ABCA12: variants seen among roughly 807,000 people sequenced by gnomAD.
ABCA12 encodes glucosylceramide transporter ABCA12.
ABCA12 carries 156 observed loss-of-function variants against 293.5 expected under a neutral mutation model. The ratio of observed to expected loss-of-function variants is 0.53; its 90% CI spans 0.47 to 0.61. The LOEUF is 0.61. Ranked by LOEUF, ABCA12 falls within the 20% of genes least tolerant of loss-of-function variation. ABCA12 has a pLI of 0.00. For synonymous variants in ABCA12, 1,063 were observed against 1,108.0 expected, an observed-to-expected ratio of 0.96 and a Z score of 0.81; for missense variants, 2,797 against 3,090.2, an observed-to-expected ratio of 0.91 and a Z score of 2.25.
At chr2:215,109,186 G>T (rs553409317) in intron 2 of ABCA12, among the ~76,000 whole-genome samples, 1 of 152,052 alleles carries the variant, frequency 6.6e-6, no homozygotes, top group Non-Finnish European at 1.5e-5. Flanking sequence ...ATTATAGAAT[G>T]TATTGAAACT....
intron 11 of ABCA12, among the ~76,000 whole-genome samples, chr2:215,025,140 C>A (rs1437043642): frequency 6.6e-6 from 1 of 151,912 alleles, no homozygotes; most frequent in Non-Finnish European, 1.5e-5. Flanking sequence ...TATTACGAAT[C>A]CTTTTTCAAA....
At chr2:214,992,324 CCCCAGCTACTCAGGAGG>C (rs1250832291) in intron 23 of ABCA12, among the ~76,000 whole-genome samples, 3 of 151,244 alleles carry the variant, frequency 2.0e-5, no homozygotes, top group Non-Finnish European at 4.4e-5. Context: ...GCCCCCGTAG[CCCCAGCTACTCAGGAGG>C]CTGAGGCAGG....
chr2:214,957,834 AC>A (rs1326987649), intron 41 of ABCA12, among the ~76,000 whole-genome samples: 1 of 152,170 alleles, frequency 6.6e-6, no homozygotes, highest in African/African-American at 2.4e-5. Flanking sequence ...CGCATTTTCC[AC>A]TATTAGTTGA....
intron 17 of ABCA12, among the ~76,000 whole-genome samples, chr2:215,010,979 C>G (rs1317105971): frequency 6.6e-6 from 1 of 152,130 alleles, no homozygotes; most frequent in Admixed American, 6.6e-5. Flanking sequence ...TGATGTGCCA[C>G]GAGACATTTA....
intron 1 of ABCA12, among the ~76,000 whole-genome samples, chr2:215,137,520 C>T (rs949055934): frequency 6.6e-6 from 1 of 152,076 alleles, no homozygotes; most frequent in Admixed American, 6.6e-5. Flanking sequence ...ACAAAAAAGA[C>T]GTTGCAATGA....
At chr2:215,046,105 G>T in intron 6 of ABCA12, 90 bp from the exon 7 acceptor site, 1 of 1,351,166 alleles carries the variant, frequency 7.4e-7, no homozygotes, top group East Asian at 2.4e-5. Flanking sequence ...CAAAAATCTA[G>T]ATTTTCACAT....
intron 50 of ABCA12, among the ~76,000 whole-genome samples, chr2:214,938,646 C>T (rs576939243): frequency 2.0e-5 from 3 of 152,212 alleles, no homozygotes; most frequent in East Asian, 1.9e-4. Flanking sequence ...AACTTTTTAA[C>T]GATCACCATT....
intron 45 of ABCA12, among the ~76,000 whole-genome samples, chr2:214,949,592 T>C (rs1320530823): frequency 6.6e-6 from 1 of 152,186 alleles, no homozygotes; most frequent in African/African-American, 2.4e-5. Context: ...TTGATGCGTG[T>C]AGTTTGCAGC....
chr2:214,982,995 C>G (rs113619826), intron 29 of ABCA12, among the ~76,000 whole-genome samples: 11 of 152,140 alleles, frequency 7.2e-5, no homozygotes, highest in African/African-American at 2.6e-4. Flanking sequence ...GTCATTTGAC[C>G]AAGATTAAGA....
intron 31 of ABCA12, 151 bp from the exon 32 acceptor site, chr2:214,979,191 C>G: frequency 1.4e-6 from 1 of 719,728 alleles, no homozygotes; most frequent in Non-Finnish European, 2.5e-6. Context: ...CCCTTTGCCA[C>G]TTGGGTCCCT....
chr2:215,060,825 C>T (rs1234849355), intron 3 of ABCA12, among the ~76,000 whole-genome samples: 1 of 151,984 alleles, frequency 6.6e-6, no homozygotes, highest in African/African-American at 2.4e-5. Context: ...TTTGACCCGA[C>T]TAAACTCTGA....
intron 3 of ABCA12, among the ~76,000 whole-genome samples, chr2:215,057,604 T>C (rs1369632018): frequency 2.0e-5 from 3 of 152,060 alleles, no homozygotes; most frequent in African/African-American, 7.2e-5. Flanking sequence ...CTTTTATCTG[T>C]TTATGAGATA....
intron 11 of ABCA12, among the ~76,000 whole-genome samples, chr2:215,021,521 G>A (rs189959771): frequency 6.6e-6 from 1 of 152,104 alleles, no homozygotes; most frequent in South Asian, 2.1e-4. Context: ...AAAATAATAT[G>A]TGCCCCTGGG....
chr2:214,986,862 A>C, intron 27 of ABCA12, 134 bp from the exon 28 acceptor site: 2 of 838,354 alleles, frequency 2.4e-6, no homozygotes, highest in Non-Finnish European at 3.8e-6. Flanking sequence ...CCAGAAACAA[A>C]TGATTTATTA....
At chr2:214,990,342 A>C (rs2105976107) in intron 24 of ABCA12, among the ~76,000 whole-genome samples, 1 of 152,342 alleles carries the variant, frequency 6.6e-6, no homozygotes, top group African/African-American at 2.4e-5. Context: ...AGAACCATGA[A>C]AATTGTTCAC....
chr2:214,981,017 G>A (rs747084630), intron 30 of ABCA12, among the ~76,000 whole-genome samples: 36 of 151,630 alleles, frequency 2.4e-4, no homozygotes, highest in Non-Finnish European at 4.9e-4. Flanking sequence ...CCCGGGAGGT[G>A]GAGGGTGTAG....
At chr2:215,102,467 C>T (rs945081517) in intron 2 of ABCA12, among the ~76,000 whole-genome samples, 17 of 152,036 alleles carry the variant, frequency 1.1e-4, no homozygotes, top group Admixed American at 2.0e-4. Context: ...GGCATGATGG[C>T]GCGCACCTGT....
At chr2:214,970,494 A>G (rs1699363872) in intron 36 of ABCA12, 94 bp from the exon 37 acceptor site, 52 of 1,416,922 alleles carry the variant, frequency 3.7e-5, no homozygotes, top group Non-Finnish European at 4.9e-5. Flanking sequence ...TGATTTGTCT[A>G]TTACTGCAAC....
chr2:215,021,480 G>A (rs1174268700), intron 11 of ABCA12, among the ~76,000 whole-genome samples: 1 of 152,106 alleles, frequency 6.6e-6, no homozygotes, highest in Non-Finnish European at 1.5e-5. Context: ...TGTGTTCTGA[G>A]GATATATTCC....
Sources: gnomAD v4.1 joint callset for allele counts (sites outside exome capture counted in the v4.1 genomes callset) on GRCh38, gnomAD v4.1.1 for gene constraint, MANE v1.5 for transcripts, NCBI Gene and HGNC (gene_info 2026-07-23, HGNC 2026-07-21) for gene names.